SESN1: variants seen among roughly 807,000 people sequenced by gnomAD.
SESN1 encodes the protein sestrin-1.
In SESN1, 30 loss-of-function variants were observed where a neutral mutation model predicts 59.3. The ratio of observed to expected loss-of-function variants is 0.51; its 90% confidence interval spans 0.38 to 0.69. SESN1 has a LOEUF of 0.69. SESN1 is among the 30% of genes least tolerant of loss of function. The pLI, the probability that SESN1 is intolerant of heterozygous loss-of-function variation, is 0.00. For synonymous variants in SESN1, 197 were observed against 219.9 expected, an observed-to-expected ratio of 0.90 and a Z score of 0.92; for missense variants, 566 against 673.0, an observed-to-expected ratio of 0.84 and a Z score of 1.76.
At chr6:109,048,658 T>C (rs527366775) in intron 1 of SESN1, among the ~76,000 whole-genome samples, 2 of 152,290 alleles carry the variant, frequency 1.3e-5, no homozygotes, top group East Asian at 1.9e-4. Flanking sequence ...ATTTTTTTTA[T>C]GTCAAATTTT....
At chr6:109,070,443 G>GGGGTGTGCAGCAGCTGATGTGAGGGCA (rs1780913354) in intron 1 of SESN1, among the ~76,000 whole-genome samples, 1 of 151,800 alleles carries the variant, frequency 6.6e-6, no homozygotes, top group Admixed American at 6.6e-5. Context: ...AGCTGTATGT[G>GGGGTGTGCAGCAGCTGATGTGAGGGCA]GGGTGTGCAG....
intron 1 of SESN1, among the ~76,000 whole-genome samples, chr6:109,018,379 G>A (rs1423336948): frequency 4.6e-5 from 7 of 152,180 alleles, no homozygotes; most frequent in African/African-American, 1.7e-4. Context: ...TGATTAGGAG[G>A]GGTATAGTTT....
intron 1 of SESN1, among the ~76,000 whole-genome samples, chr6:109,017,644 G>T (rs899797556): frequency 2.0e-5 from 3 of 152,074 alleles, no homozygotes; most frequent in Non-Finnish European, 4.4e-5. Context: ...TCGAGATTGG[G>T]ATTTAAAGTT....
At chr6:109,077,327 A>G (rs1437321116) in intron 1 of SESN1, among the ~76,000 whole-genome samples, 2 of 152,212 alleles carry the variant, frequency 1.3e-5, no homozygotes, top group African/African-American at 4.8e-5. Context: ...GTGATTAAGA[A>G]CAGAGACTTA....
chr6:109,074,683 T>G (rs1781001164), intron 1 of SESN1, among the ~76,000 whole-genome samples: 1 of 152,216 alleles, frequency 6.6e-6, no homozygotes, highest in African/African-American at 2.4e-5. Context: ...TGCTTAATAT[T>G]TAATCTCACT....
At chr6:109,074,328 A>T (rs1292249122) in intron 1 of SESN1, among the ~76,000 whole-genome samples, 2 of 152,200 alleles carry the variant, frequency 1.3e-5, no homozygotes, top group Non-Finnish European at 2.9e-5. Context: ...TAAAATATAC[A>T]TTAAAAATAG....
chr6:109,094,136 G>C lies in SESN1; in HGVS notation c.-63C>G. On this transcript the variant is annotated 5_prime_UTR_variant, in exon 1 of 10. Transcript: ENST00000436639. ...CAGCATGCCCCAAAAAAATTGCTTTGTATTTTTAAAATGAAAAATGTAAAA... is the reference window on the plus strand; with the variant it reads ...CAGCATGCCCCAAAAAAATTGCTTTCTATTTTTAAAATGAAAAATGTAAAA... The C allele has an allele frequency of 6.7e-7, 1 of 1,488,766 alleles. No individual in the cohort carries two copies. The highest frequency in any genetic ancestry group is 9.1e-7 in the Non-Finnish European group (1 of 1,104,026). 92.2% of individuals were successfully genotyped at this position (1,488,766 alleles called of 1,614,324 possible).
chr6:109,043,422 A>G (rs1780372549), intron 1 of SESN1, among the ~76,000 whole-genome samples: 1 of 152,174 alleles, frequency 6.6e-6, no homozygotes, highest in South Asian at 2.1e-4. Context: ...GGAATAAATA[A>G]CAACTGTCCC....
intron 1 of SESN1, among the ~76,000 whole-genome samples, chr6:109,026,319 A>G (rs2114382380): frequency 6.6e-6 from 1 of 152,306 alleles, no homozygotes; most frequent in South Asian, 2.1e-4. Context: ...AGTGTGAAAA[A>G]GACCAAAGAA....
At chr6:108,991,228 A>AGTGTGTGT (rs112709389) in intron 7 of SESN1, among the ~76,000 whole-genome samples, 2 of 148,048 alleles carry the variant, frequency 1.4e-5, no homozygotes, top group Non-Finnish European at 3.0e-5. Flanking sequence ...TCAAATTATG[A>AGTGTGTGT]GTGTGTGTGT....
Position 108,988,628 on chromosome 6 carries a change from T to G in SESN1, c.1484A>C (p.Tyr495Ser). Residue 495 changes from tyrosine to serine, a missense_variant, in exon 9 of 10, where the codon TAT (tyrosine) becomes TCT (serine). Physicochemically the swap from Tyr to Ser is moderately radical, Grantham distance 144 (BLOSUM62 -2). Coordinates refer to ENST00000436639, the MANE Select transcript of SESN1 (RefSeq NM_014454.3). Reference protein sequence around the residue: ...NQLLDRSFKVYIKTVVCTPEK... With the variant: ...NQLLDRSFKVSIKTVVCTPEK... ...AGGAGTGCAAACAACAGTTTTGATATAAACTTTAAAGCTACGATCCAATAG... is the reference window on the plus strand; with the variant it reads ...AGGAGTGCAAACAACAGTTTTGATAGAAACTTTAAAGCTACGATCCAATAG... 1 of 1,612,732 alleles carries G rather than the reference T, an allele frequency of 6.2e-7. No homozygotes were observed. Among genetic ancestry groups the G allele is most frequent in the East Asian group, 2.2e-5 (1 of 44,862 alleles).
intron 1 of SESN1, among the ~76,000 whole-genome samples, chr6:109,068,329 A>G (rs987457426): frequency 6.6e-5 from 10 of 152,174 alleles, no homozygotes; most frequent in African/African-American, 1.2e-4. Context: ...TACTCATAAT[A>G]TAAGAACTGG....
At chr6:109,028,660 A>T (rs532271283) in intron 1 of SESN1, among the ~76,000 whole-genome samples, 1 of 152,354 alleles carries the variant, frequency 6.6e-6, no homozygotes, top group East Asian at 1.9e-4. Flanking sequence ...TCTTAAAAAT[A>T]GTATTAGTTG....
At chr6:109,072,106 G>C (rs1259587153) in intron 1 of SESN1, among the ~76,000 whole-genome samples, 1 of 152,074 alleles carries the variant, frequency 6.6e-6, no homozygotes, top group Non-Finnish European at 1.5e-5. Flanking sequence ...TCTTCTCCCT[G>C]GTGAAGGGAG....
At position 108,988,629 on chromosome 6, in the gene SESN1, A is replaced by C. The variant is rs755727138; in HGVS notation, c.1483T>G (p.Tyr495Asp). The C allele has an allele frequency of 8.7e-6, 14 of 1,612,956 alleles. No homozygotes were observed. The highest frequency in any genetic ancestry group is 1.2e-5 in the Non-Finnish European group (14 of 1,179,322). ...GGAGTGCAAACAACAGTTTTGATAT[A>C]AACTTTAAAGCTACGATCCAATAGC... ...NQLLDRSFKV[Y>D]IKTVVCTPEK... Residue 495 changes from tyrosine to aspartate, a missense_variant, in exon 9 of 10, where the codon TAT becomes GAT. Coordinates refer to ENST00000436639, the MANE Select transcript of SESN1 (RefSeq NM_014454.3).
At chr6:109,014,074 G>A (rs1340155553) in intron 1 of SESN1, among the ~76,000 whole-genome samples, 1 of 151,310 alleles carries the variant, frequency 6.6e-6, no homozygotes, top group Non-Finnish European at 1.5e-5. Context: ...ATGTTGACAA[G>A]TCTTTGGTAT....
chr6:109,027,085 G>T (rs973277649), intron 1 of SESN1, among the ~76,000 whole-genome samples: 1 of 152,208 alleles, frequency 6.6e-6, no homozygotes, highest in Non-Finnish European at 1.5e-5. Context: ...CACGAGAATC[G>T]CTTGAATCTG....
intron 9 of SESN1, among the ~76,000 whole-genome samples, 176 bp from the exon 10 acceptor site, chr6:108,987,806 C>CTTTTT (rs3029194): frequency 0.04 from 5,470 of 135,500 alleles, 372 homozygotes; most frequent in African/African-American, 0.12. Context: ...CAGCAGCTAT[C>CTTTTT]TTTTTTTTTT....
intron 4 of SESN1, chr6:108,999,908 TAAAC>T (rs1336684482): frequency 5.9e-5 from 9 of 152,136 alleles, no homozygotes; most frequent in Admixed American, 5.2e-4. Context: ...GGTGAATGGA[TAAAC>T]AAACTATGGC....
Sources: allele counts gnomAD v4.1 joint callset (sites outside exome capture counted in the v4.1 genomes callset), GRCh38; gene constraint gnomAD v4.1.1; transcripts MANE v1.5; gene names NCBI Gene and HGNC (gene_info 2026-07-23, HGNC 2026-07-21).